Variants in MAML2 observed in about 807,000 individuals in gnomAD.
MAML2 encodes the protein mastermind-like protein 2.
Under a neutral mutation model 96.1 loss-of-function variants are expected in MAML2, and 22 were observed. The ratio of observed to expected loss-of-function variants is 0.23; its 90% CI spans 0.16 to 0.33. The LOEUF is 0.33. Among genes scored for constraint, MAML2 ranks in the 10% least tolerant of loss-of-function variants. The pLI, the probability that MAML2 is intolerant of heterozygous loss-of-function variation, is 1.00. For missense variants in MAML2, 1,367 were observed against 1,392.4 expected (o/e 0.98, Z 0.29); for synonymous variants, 561 against 521.3 (o/e 1.08, Z -1.04).
chr11:96,285,610 AC>A (rs1863127619), intron 1 of MAML2, among the ~76,000 whole-genome samples: 2 of 152,176 alleles, frequency 1.3e-5, no homozygotes, highest in African/African-American at 4.8e-5. Context: ...TCTACAAGGA[AC>A]TTAAATTTGC....
rs375637657 is a variant in MAML2 at position 96,196,016 on chromosome 11, A to T, written c.514-102499T>A. On this transcript the variant is annotated intron_variant, in intron 1 of 4. Transcript: ENST00000524717. The stretch of plus-strand genomic sequence containing the variant: ...TCAAGAGAATTAAACCTCTCTGATT[A>T]TCTATACATTTTAAAATGTATCATT... 5.9e-5 allele frequency among the ~76,000 whole-genome samples: 9 copies of T among 152,384 alleles called. No homozygotes were observed. In the East Asian group the frequency reaches 1.5e-3, roughly 26 times the overall value.
In MAML2 at chr11:96,041,503, G is replaced by A. The variant is rs1227782398; in HGVS notation, c.2140-49780C>T. ...AAAAGAAAGAAAGAAGGAAAGGAAG[G>A]AAAGGAAGGAAGGGAAGGAAGGGAA... is the stretch of plus-strand genomic sequence containing the variant. On this transcript the variant is annotated intron_variant, in intron 2 of 4. Transcript: ENST00000524717. Among the ~76,000 whole-genome samples, 14 of 124,720 alleles carry A rather than the reference G, an allele frequency of 1.1e-4. No homozygotes were observed. The Admixed American group carries it at 1.3e-3, about 12-fold the overall frequency. The allele number at this position is 124,720 out of a possible 152,430, so 81.8% of individuals were successfully genotyped here.
intron 1 of MAML2, among the ~76,000 whole-genome samples, chr11:96,192,497 A>G (rs896206923): frequency 1.3e-5 from 2 of 152,216 alleles, no homozygotes. Flanking sequence ...GATGCTTCCA[A>G]TCATAAGAAT....
rs1403403545 is a variant in MAML2 at position 96,162,387 on chromosome 11, C to T, written c.514-68870G>A. Among the ~76,000 whole-genome samples the T allele has an allele frequency of 2.6e-5, 4 of 151,726 alleles. No individual in the cohort carries two copies. In the South Asian group the frequency reaches 6.2e-4, roughly 24 times the overall value. On this transcript the variant is annotated intron_variant, in intron 1 of 4. Coordinates refer to ENST00000524717, the MANE Select transcript of MAML2 (RefSeq NM_032427.4). ...CCAGATCTAGCGATTGCTATGCTCC[C>T]GGAATTGTAGTAGGTTTTAGGTATT...
intron 1 of MAML2, among the ~76,000 whole-genome samples, chr11:96,144,233 G>A (rs1325726391): frequency 6.6e-6 from 1 of 152,178 alleles, no homozygotes; most frequent in African/African-American, 2.4e-5. Flanking sequence ...AAGATGCTGA[G>A]TAACATTAAT....
In MAML2 at chr11:96,309,241, G is replaced by A. The variant is rs113238336; in HGVS notation, c.513+32142C>T. 2.8e-3 allele frequency among the ~76,000 whole-genome samples: 420 copies of A among 152,308 alleles called. 2 individuals are homozygous for A. Among genetic ancestry groups the A allele is most frequent in the African/African-American group, 9.5e-3 (395 of 41,562 alleles). ...ATGCCATTGTGTTTTAGTATGAAGT[G>A]CTTGACAATGCATTCACACCCAGAG... On this transcript the variant is annotated intron_variant, in intron 1 of 4. Coordinates refer to ENST00000524717, the MANE Select transcript of MAML2 (RefSeq NM_032427.4).
chr11:96,245,636 T>C (rs1262330554), intron 1 of MAML2, among the ~76,000 whole-genome samples: 1 of 152,172 alleles, frequency 6.6e-6, no homozygotes, highest in African/African-American at 2.4e-5. Context: ...CAATATGAAT[T>C]TGTATGGCTA....
intron 1 of MAML2, among the ~76,000 whole-genome samples, chr11:96,178,854 C>T (rs547782524): frequency 1.6e-4 from 25 of 152,264 alleles, no homozygotes; most frequent in Admixed American, 9.2e-4. Context: ...CTAGGCAACA[C>T]AATCTCTTAT....
intron 1 of MAML2, among the ~76,000 whole-genome samples, chr11:96,241,988 C>G (rs544452147): frequency 6.6e-6 from 1 of 152,108 alleles, no homozygotes; most frequent in African/African-American, 2.4e-5. Flanking sequence ...GTTATGGTTA[C>G]TTGTTATATA....
chr11:96,300,749 G>A (rs4376867), intron 1 of MAML2, among the ~76,000 whole-genome samples: 23,837 of 152,168 alleles, frequency 0.16, 2,085 homozygotes, highest in East Asian at 0.25. Flanking sequence ...TCCTCAGGGA[G>A]GATTCATGAA....
intron 2 of MAML2, among the ~76,000 whole-genome samples, chr11:95,995,860 C>T (rs1275839571): frequency 6.6e-6 from 1 of 152,150 alleles, no homozygotes; most frequent in Admixed American, 6.5e-5. Flanking sequence ...TACAGTTTAT[C>T]TGGGAAGATA....
rs138317202 is a variant in MAML2 at position 96,251,106 on chromosome 11, C to T, written c.513+90277G>A. ...TACAATTACATACACATAACAATAA[C>T]TGTTTCCACCCCGCCATCCCTCATT... On this transcript the variant is annotated intron_variant, in intron 1 of 4. Transcript: ENST00000524717. 5.4e-4 allele frequency among the ~76,000 whole-genome samples: 83 copies of T among 152,312 alleles called. 1 individual carries two copies. In the East Asian group the frequency reaches 0.014, roughly 26 times the overall value.
rs1211697097 is a variant in MAML2, at chr11:96,134,368, G to A, written c.514-40851C>T. 2.0e-5 allele frequency among the ~76,000 whole-genome samples: 3 copies of A among 152,162 alleles called. No homozygotes were observed. In the East Asian group the frequency reaches 5.8e-4, roughly 29 times the overall value. Reference sequence around the variant, plus strand: ...TACCCCAATGCCTGGAATAGTCCTTGCACATAATACATTTTTGATGCATTT... The same window carrying A: ...TACCCCAATGCCTGGAATAGTCCTTACACATAATACATTTTTGATGCATTT... On this transcript the variant is annotated intron_variant, in intron 1 of 4. Coordinates refer to ENST00000524717, the MANE Select transcript of MAML2 (RefSeq NM_032427.4).
intron 4 of MAML2, among the ~76,000 whole-genome samples, chr11:95,984,337 A>C (rs111497516): frequency 5.6e-4 from 85 of 152,302 alleles, no homozygotes; most frequent in African/African-American, 1.9e-3. Flanking sequence ...TAACCAACAC[A>C]TGGCTGGAAA....
rs1490319450 is a variant in MAML2, at chr11:96,269,894, C to G, written c.513+71489G>C. On this transcript the variant is annotated intron_variant, in intron 1 of 4. Transcript: ENST00000524717. ...TCTAGTACCCTCTGGGAGTTTCTATCCCCTTGACCTCTAAACGTTGGGAGC... is the reference window on the plus strand; with the variant it reads ...TCTAGTACCCTCTGGGAGTTTCTATGCCCTTGACCTCTAAACGTTGGGAGC... Among the ~76,000 whole-genome samples the G allele has an allele frequency of 2.1e-5, 3 of 144,120 alleles. 1 individual carries two copies. Among genetic ancestry groups the G allele is most frequent in the Non-Finnish European group, 4.5e-5 (3 of 66,774 alleles). The allele number at this position is 144,120 out of a possible 152,430, so 94.5% of individuals were successfully genotyped here.
chr11:96,261,815 C>A (rs1862754432), intron 1 of MAML2, among the ~76,000 whole-genome samples: 1 of 152,200 alleles, frequency 6.6e-6, no homozygotes, highest in African/African-American at 2.4e-5. Context: ...TGATTATAAA[C>A]AACCAAGTTA....
intron 1 of MAML2, among the ~76,000 whole-genome samples, chr11:96,131,160 C>T (rs78998199): frequency 0.013 from 1,940 of 151,896 alleles, 19 homozygotes; most frequent in Non-Finnish European, 0.017. Context: ...AAAGATACTC[C>T]AGACATTCCT....
At chr11:96,258,887 A>T (rs897094038) in intron 1 of MAML2, among the ~76,000 whole-genome samples, 1 of 152,112 alleles carries the variant, frequency 6.6e-6, no homozygotes, top group African/African-American at 2.4e-5. Context: ...CTTCAGGCAG[A>T]TGTTGGTATC....
chr11:95,988,976 T>C lies in MAML2; in HGVS notation c.2343+2544A>G, dbSNP rs142987558. Among the ~76,000 whole-genome samples, 233 of 152,350 alleles carry C rather than the reference T, an allele frequency of 1.5e-3. 1 individual carries two copies. The highest frequency in any genetic ancestry group is 5.2e-3 in the African/African-American group (218 of 41,586). ...CATCTGTAAAAATGTGAGATGTGGA[T>C]AATTATAGGACCTCCCTCATATTTC... On this transcript the variant is annotated intron_variant, in intron 3 of 4. Coordinates refer to ENST00000524717, the MANE Select transcript of MAML2 (RefSeq NM_032427.4).
Sources: gnomAD v4.1 joint callset for allele counts (sites outside exome capture counted in the v4.1 genomes callset) on GRCh38, gnomAD v4.1.1 for gene constraint, MANE v1.5 for transcripts, NCBI Gene and HGNC (gene_info 2026-07-23, HGNC 2026-07-21) for gene names.